TSPAN12: variants seen among roughly 807,000 people sequenced by gnomAD.
TSPAN12 encodes the protein tetraspanin-12.
In TSPAN12, 19 loss-of-function variants were observed where a neutral mutation model predicts 39.2. That is an observed-to-expected ratio of 0.49 (90% CI 0.34 to 0.71). The LOEUF (loss-of-function observed/expected upper bound fraction) is 0.71, where lower values mean the gene tolerates loss of function less well. TSPAN12 is among the 30% of genes least tolerant of loss of function. TSPAN12 has a pLI of 0.01. For synonymous variants in TSPAN12, 119 were observed against 124.8 expected, an observed-to-expected ratio of 0.95 and a Z score of 0.31; for missense variants, 314 against 359.9, an observed-to-expected ratio of 0.87 and a Z score of 1.03.
intron 2 of TSPAN12, among the ~76,000 whole-genome samples, chr7:120,852,023 G>T (rs76515852): frequency 6.6e-6 from 1 of 151,936 alleles, no homozygotes; most frequent in African/African-American, 2.4e-5. Context: ...CTTCTTAGAC[G>T]CATTTATAGC....
rs78431483 is a variant in TSPAN12 at position 120,827,158 on chromosome 7, T to C, written c.286-11355A>G. ...AACAACTTTTTAGCTTATCTATAAC[T>C]CTATGTCTGCAAAAGTATCTCCTTC... On this transcript the variant is annotated intron_variant, in intron 4 of 7. Coordinates refer to ENST00000222747, the MANE Select transcript of TSPAN12 (RefSeq NM_012338.4). Among the ~76,000 whole-genome samples, 820 of 151,442 alleles carry C rather than the reference T, an allele frequency of 5.4e-3. 6 individuals carry two copies. Among genetic ancestry groups the C allele is most frequent in the Non-Finnish European group, 8.2e-3 (558 of 67,994 alleles).
chr7:120,857,121 C>A (rs947393570), intron 1 of TSPAN12: 1 of 386,248 alleles, frequency 2.6e-6, no homozygotes, highest in Non-Finnish European at 5.0e-6. Context: ...CGCGGCGGAG[C>A]CCTGTGCATT....
At chr7:120,836,995 T>C (rs904114373) in intron 4 of TSPAN12, among the ~76,000 whole-genome samples, 3 of 152,142 alleles carry the variant, frequency 2.0e-5, no homozygotes, top group Non-Finnish European at 2.9e-5. Context: ...AGAGTAAAAG[T>C]TGGGAGGAGG....
intron 2 of TSPAN12, 86 bp downstream of exon 2, chr7:120,856,612 A>T: frequency 7.5e-7 from 1 of 1,325,220 alleles, no homozygotes; most frequent in Non-Finnish European, 1.1e-6. Context: ...ATTAATGCTT[A>T]GCCATGCCCT....
intron 7 of TSPAN12, among the ~76,000 whole-genome samples, 173 bp from the exon 8 acceptor site, chr7:120,789,070 T>C (rs1390546641): frequency 6.6e-6 from 1 of 152,216 alleles, no homozygotes; most frequent in African/African-American, 2.4e-5. Flanking sequence ...GAGGGAGGTG[T>C]GTAGCTTTTG....
intron 2 of TSPAN12, among the ~76,000 whole-genome samples, chr7:120,852,531 G>A (rs1480965059): frequency 4.6e-5 from 7 of 152,198 alleles, no homozygotes; most frequent in Non-Finnish European, 1.0e-4. Flanking sequence ...CATCACAGAG[G>A]AGCTTGTTAG....
rs1008609069 is a variant in TSPAN12 at position 120,801,001 on chromosome 7, G to C, written c.612+5548C>G. 1.3e-5 allele frequency among the ~76,000 whole-genome samples: 2 copies of C among 151,996 alleles called. 1 individual carries two copies. Among genetic ancestry groups the C allele is most frequent in the Admixed American group, 1.3e-4 (2 of 15,246 alleles). ...GTTAGGGCTTCATCATGTTGGGCTGGTCTAGAACTCCTGACCACAAGTGAT... is the reference window on the plus strand; with the variant it reads ...GTTAGGGCTTCATCATGTTGGGCTGCTCTAGAACTCCTGACCACAAGTGAT... On this transcript the variant is annotated intron_variant, in intron 7 of 7. Coordinates refer to ENST00000222747, the MANE Select transcript of TSPAN12 (RefSeq NM_012338.4).
chr7:120,816,241 G>A (rs1794080009), intron 4 of TSPAN12, among the ~76,000 whole-genome samples: 1 of 151,918 alleles, frequency 6.6e-6, no homozygotes, highest in East Asian at 1.9e-4. Flanking sequence ...TGCATTCTTG[G>A]AAAAAGCACA....
intron 4 of TSPAN12, among the ~76,000 whole-genome samples, chr7:120,836,507 T>C (rs1794479170): frequency 6.6e-6 from 1 of 152,052 alleles, no homozygotes; most frequent in African/African-American, 2.4e-5. Context: ...AAAAGCAAAA[T>C]CAATCTATGC....
chr7:120,789,898 T>A (rs760112667), intron 7 of TSPAN12, among the ~76,000 whole-genome samples: 1 of 151,722 alleles, frequency 6.6e-6, no homozygotes, highest in Non-Finnish European at 1.5e-5. Flanking sequence ...GTGTATACAG[T>A]AAAGAAACAG....
chr7:120,807,083 C>T (rs1426414518), intron 6 of TSPAN12, among the ~76,000 whole-genome samples: 1 of 152,050 alleles, frequency 6.6e-6, no homozygotes, highest in Non-Finnish European at 1.5e-5. Flanking sequence ...TTTTCTATTG[C>T]CCAACATATT....
intron 4 of TSPAN12, among the ~76,000 whole-genome samples, chr7:120,820,461 T>A (rs1794167706): frequency 6.6e-6 from 1 of 152,244 alleles, no homozygotes; most frequent in South Asian, 2.1e-4. Context: ...TTTCCGTACA[T>A]AGCCTTCATT....
In TSPAN12 at chr7:120,830,152, CACAA is replaced by C. The variant is rs1315941164; in HGVS notation, c.285+8621_285+8624del. 8.6e-5 allele frequency among the ~76,000 whole-genome samples: 13 copies of C among 152,042 alleles called. No homozygotes were observed. In the South Asian group the frequency reaches 1.2e-3, roughly 15 times the overall value. On this transcript the variant is annotated intron_variant, in intron 4 of 7. Transcript: ENST00000222747. Reference sequence around the variant, plus strand: ...TACTGATGAAAGAAATTGAAGATGACACAAACAAATAGAAAGATATCCCATGTTT... The same window carrying C: ...TACTGATGAAAGAAATTGAAGATGACACAAATAGAAAGATATCCCATGTTT...
At chr7:120,852,989 T>C (rs181015521) in intron 2 of TSPAN12, among the ~76,000 whole-genome samples, 1 of 152,322 alleles carries the variant, frequency 6.6e-6, no homozygotes, top group Admixed American at 6.5e-5. Context: ...TTGGTAATGA[T>C]AGGATCTGCA....
chr7:120,830,907 T>C (rs1221069689), intron 4 of TSPAN12, among the ~76,000 whole-genome samples: 1 of 152,044 alleles, frequency 6.6e-6, no homozygotes, highest in Non-Finnish European at 1.5e-5. Context: ...AAGGGACTAA[T>C]ATCCAAAACA....
At chr7:120,833,503 T>C (rs1454105763) in intron 4 of TSPAN12, among the ~76,000 whole-genome samples, 1 of 152,012 alleles carries the variant, frequency 6.6e-6, no homozygotes, top group Non-Finnish European at 1.5e-5. Context: ...GTTCAATCAC[T>C]CTATATTTAA....
rs186991144 is a variant in TSPAN12 at position 120,810,216 on chromosome 7, G to A, written c.468+247C>T. ...AAACTTCACAATAATTTAGCAAAAT[G>A]GCTTTTCAGATGTTCTTAAATATAT... is the stretch of plus-strand genomic sequence containing the variant. On this transcript the variant is annotated intron_variant, in intron 6 of 7. Coordinates refer to ENST00000222747, the MANE Select transcript of TSPAN12 (RefSeq NM_012338.4). Among the ~76,000 whole-genome samples, 100 of 152,186 alleles carry A rather than the reference G, an allele frequency of 6.6e-4. No individual in the cohort carries two copies. In the East Asian group the frequency reaches 0.017, roughly 26 times the overall value.
At chr7:120,827,438 C>T (rs561972080) in intron 4 of TSPAN12, among the ~76,000 whole-genome samples, 1 of 152,138 alleles carries the variant, frequency 6.6e-6, no homozygotes, top group African/African-American at 2.4e-5. Flanking sequence ...AGCATAAGAA[C>T]ATAATTATTT....
At chr7:120,836,996 T>C (rs1002353976) in intron 4 of TSPAN12, among the ~76,000 whole-genome samples, 1 of 152,156 alleles carries the variant, frequency 6.6e-6, no homozygotes, top group Admixed American at 6.5e-5. Flanking sequence ...GAGTAAAAGT[T>C]GGGAGGAGGG....
Sources: gnomAD v4.1 joint callset for allele counts (sites outside exome capture counted in the v4.1 genomes callset) on GRCh38, gnomAD v4.1.1 for gene constraint, MANE v1.5 for transcripts, NCBI Gene and HGNC (gene_info 2026-07-23, HGNC 2026-07-21) for gene names.